Variants in CCPG1 observed in about 807,000 individuals in gnomAD.
The protein encoded by CCPG1 is cell cycle progression protein 1.
A neutral mutation model predicts 81.3 loss-of-function variants in CCPG1; 46 were observed. That is an observed-to-expected ratio of 0.57 (90% CI 0.45 to 0.72). The LOEUF is 0.72. Ranked by LOEUF, CCPG1 falls within the 30% of genes least tolerant of loss-of-function variation. The pLI is 0.00. For missense variants in CCPG1, 902 were observed against 937.6 expected (o/e 0.96, Z 0.50); for synonymous variants, 330 against 305.2 (o/e 1.08, Z -0.85).
In CCPG1 at chr15:55,360,038, CT is replaced by C. The variant is rs1479232366; in HGVS notation, c.1734del (p.Glu579LysfsTer63). On this transcript the variant is annotated frameshift_variant, in exon 8 of 9. Coordinates refer to ENST00000442196, the MANE Select transcript of CCPG1 (RefSeq NM_001204450.2). LOFTEE classifies it high-confidence loss of function. ...GTAGGGCCTCTATTATGATGGTTTTCTGTAGGTGCCTTATACTGTGGATGTA... is the reference window on the plus strand; with the variant it reads ...GTAGGGCCTCTATTATGATGGTTTTCGTAGGTGCCTTATACTGTGGATGTA... The part of the protein sequence containing the change: ...DYLHPQYKAP[T>X]ENHHNRGPTM... 1 of 1,613,556 alleles carries C rather than the reference CT, an allele frequency of 6.2e-7. No individual in the cohort carries two copies. The highest frequency in any genetic ancestry group is 1.1e-5 in the South Asian group (1 of 91,012).
At chr15:55,394,520 C>CA (rs372713457) in intron 1 of CCPG1, among the ~76,000 whole-genome samples, 132 of 151,654 alleles carry the variant, frequency 8.7e-4, no homozygotes, top group Admixed American at 2.2e-3. Context: ...TAACAGATTA[C>CA]AAAAAAAAGT....
chr15:55,406,767 C>G (rs139379132), intron 1 of CCPG1, among the ~76,000 whole-genome samples: 8 of 152,178 alleles, frequency 5.3e-5, no homozygotes, highest in East Asian at 3.9e-4. Flanking sequence ...GTTATGTTCA[C>G]TTTTTGTTCC....
At position 55,389,425 on chromosome 15, in the gene CCPG1, C is replaced by T; in HGVS notation, c.-1G>A. On this transcript the variant is annotated 5_prime_UTR_variant, in exon 2 of 9. Coordinates refer to ENST00000442196, the MANE Select transcript of CCPG1 (RefSeq NM_001204450.2). Reference sequence around the variant, plus strand: ...CACTGTCACTGGAATTTTCAGACATCTTTCAGGTCTACAAATACAAAAACA... The same window carrying T: ...CACTGTCACTGGAATTTTCAGACATTTTTCAGGTCTACAAATACAAAAACA... 6.2e-7 allele frequency: 1 copy of T among 1,608,820 alleles called. No individual in the cohort carries two copies. The highest frequency in any genetic ancestry group is 8.5e-7 in the Non-Finnish European group (1 of 1,175,346).
At chr15:55,375,976 C>T (rs1054761632) in intron 5 of CCPG1, among the ~76,000 whole-genome samples, 5 of 152,140 alleles carry the variant, frequency 3.3e-5, no homozygotes, top group African/African-American at 1.2e-4. Flanking sequence ...TGGCATGAGC[C>T]ACTATGCCCA....
chr15:55,386,227 A>C (rs2056796768), intron 2 of CCPG1, among the ~76,000 whole-genome samples: 1 of 152,074 alleles, frequency 6.6e-6, no homozygotes, highest in Non-Finnish European at 1.5e-5. Context: ...TCCAAAATTC[A>C]ATTTTACAAC....
chr15:55,374,162 A>T (rs1157252625), intron 5 of CCPG1: 2 of 1,288,756 alleles, frequency 1.6e-6, no homozygotes, highest in Non-Finnish European at 2.0e-6. Context: ...CACCTTGGAA[A>T]GCGAGTTGGC....
intron 5 of CCPG1, chr15:55,374,126 G>C: frequency 8.2e-7 from 1 of 1,215,962 alleles, no homozygotes; most frequent in South Asian, 1.3e-5. Flanking sequence ...CTCAGCTCTA[G>C]AGAAGCTGGT....
intron 5 of CCPG1, among the ~76,000 whole-genome samples, chr15:55,376,276 T>C (rs1032651753): frequency 2.0e-5 from 3 of 152,188 alleles, no homozygotes; most frequent in Admixed American, 2.0e-4. Context: ...TTAAAAGATG[T>C]TATACATACT....
At chr15:55,402,463 A>G (rs945890462) in intron 1 of CCPG1, among the ~76,000 whole-genome samples, 2 of 152,210 alleles carry the variant, frequency 1.3e-5, no homozygotes, top group Non-Finnish European at 2.9e-5. Flanking sequence ...TCCTGACCTC[A>G]GGTGATCCAC....
intron 8 of CCPG1, chr15:55,358,586 T>C (rs1002307756): frequency 2.0e-6 from 2 of 985,290 alleles, no homozygotes; most frequent in Non-Finnish European, 2.4e-6. Context: ...GCATAGCAAA[T>C]CCTCATTTCT....
chr15:55,357,704 G>C (rs1327316181), intron 8 of CCPG1: 1 of 152,278 alleles, frequency 6.6e-6, no homozygotes, highest in Non-Finnish European at 1.5e-5. Flanking sequence ...ATGAAAATTA[G>C]CCGGGTGTGG....
rs182549841 is a variant in CCPG1, at chr15:55,394,002, G to C, written c.-9-4569C>G. The stretch of plus-strand genomic sequence containing the variant: ...TCTGACTTCATCCCTTCCTTGCTTT[G>C]TCTGTGTGTTTTGTCCAGTTCTTTG... On this transcript the variant is annotated intron_variant, in intron 1 of 8. Transcript: ENST00000442196. 2.6e-4 allele frequency among the ~76,000 whole-genome samples: 39 copies of C among 152,162 alleles called. 1 individual carries two copies. Among genetic ancestry groups the C allele is most frequent in the Admixed American group, 1.4e-3 (21 of 15,276 alleles).
rs375241239 is a variant in CCPG1, at chr15:55,402,124, G to C, written c.-10+6097C>G. ...ACTTCTCAGCATAATTTGCCTAATGGTAGCTTACACTACTTACTTTTTTCC... is the reference window on the plus strand; with the variant it reads ...ACTTCTCAGCATAATTTGCCTAATGCTAGCTTACACTACTTACTTTTTTCC... On this transcript the variant is annotated intron_variant, in intron 1 of 8. Transcript: ENST00000442196. 3.3e-5 allele frequency among the ~76,000 whole-genome samples: 5 copies of C among 152,228 alleles called. No individual in the cohort carries two copies. The East Asian group carries it at 9.7e-4, about 29-fold the overall frequency.
At position 55,359,636 on chromosome 15, in the gene CCPG1, C is replaced by T. The variant is rs748777113; in HGVS notation, c.2137G>A (p.Glu713Lys). 9 of 1,613,102 alleles carry T rather than the reference C, an allele frequency of 5.6e-6. No homozygotes were observed. Among genetic ancestry groups the T allele is most frequent in the East Asian group, 2.2e-5 (1 of 44,846 alleles). Residue 713 changes from glutamate to lysine, a missense_variant, in exon 8 of 9, where the codon GAA (glutamate) becomes AAA (lysine). Physicochemically the swap from Glu to Lys is moderately conservative, Grantham distance 56. Transcript: ENST00000442196. ...DVKDYLRNMK[E>K]YEVDNDGVFE... ...ACTCCATCATTATCTACTTCATATT[C>T]CTTCATGTTTCTAAGATAATCTTTA...
intron 6 of CCPG1, among the ~76,000 whole-genome samples, chr15:55,370,840 G>A (rs2056431600): frequency 6.9e-6 from 1 of 144,010 alleles, no homozygotes; most frequent in Admixed American, 7.2e-5. Context: ...CGCACCACTG[G>A]ACTCCAGCCT....
intron 1 of CCPG1, among the ~76,000 whole-genome samples, chr15:55,407,604 G>C (rs924926168): frequency 5.3e-5 from 8 of 152,172 alleles, no homozygotes; most frequent in Non-Finnish European, 8.8e-5. Flanking sequence ...CGCGTACAAG[G>C]CACTGCATGG....
chr15:55,376,131 T>C (rs536299581), intron 5 of CCPG1, among the ~76,000 whole-genome samples: 1 of 152,374 alleles, frequency 6.6e-6, no homozygotes, highest in South Asian at 2.1e-4. Context: ...GTTTCCTGTT[T>C]CTTCGTCAAA....
At chr15:55,404,697 T>A (rs1346692425) in intron 1 of CCPG1, among the ~76,000 whole-genome samples, 1 of 152,110 alleles carries the variant, frequency 6.6e-6, no homozygotes, top group East Asian at 1.9e-4. Flanking sequence ...TCTGGGAGGC[T>A]AAGGCAGGAA....
chr15:55,406,395 T>C (rs920313459), intron 1 of CCPG1, among the ~76,000 whole-genome samples: 5 of 151,820 alleles, frequency 3.3e-5, no homozygotes, highest in African/African-American at 1.2e-4. Flanking sequence ...TCTACACTTT[T>C]ATAACTGTGA....
Sources: allele counts gnomAD v4.1 joint callset (sites outside exome capture counted in the v4.1 genomes callset), GRCh38; gene constraint gnomAD v4.1.1; transcripts MANE v1.5; gene names NCBI Gene and HGNC (gene_info 2026-07-23, HGNC 2026-07-21).